The following TMCO5A variants were observed in gnomAD, a reference collection of about 807,000 sequenced individuals.
TMCO5A encodes transmembrane and coiled-coil domains 5A.
A neutral mutation model predicts 42.3 loss-of-function variants in TMCO5A; 34 were observed. That is an observed-to-expected ratio of 0.80 (90% CI 0.61 to 1.07). The LOEUF is 1.07. Ranked by LOEUF, TMCO5A falls within the 50% of genes least tolerant of loss-of-function variation. The probability of loss-of-function intolerance (pLI) is 0.00; values close to 1 mark genes in which losing one functional copy is unlikely to be tolerated. For synonymous variants in TMCO5A, 131 were observed against 115.6 expected (o/e 1.13, Z -0.86); for missense variants, 357 against 327.9 (o/e 1.09, Z -0.69).
chr15:37,951,507 A>G (rs1890158087), downstream of TMCO5A: 1 of 358,612 alleles, frequency 2.8e-6, no homozygotes, highest in Non-Finnish European at 5.0e-6. Flanking sequence ...TGCTAAGAAA[A>G]GTTAATTGAT....
At chr15:37,972,162 A>G (rs1406679203), downstream of TMCO5A, among the ~76,000 whole-genome samples, 2 of 152,212 alleles carry the variant, frequency 1.3e-5, no homozygotes, top group African/African-American at 4.8e-5. Context: ...AGGCCTCACA[A>G]TTACAGCAGA....
chr15:38,010,332 G>A, the TMCO5A span, among the ~76,000 whole-genome samples: 4 of 137,330 alleles, frequency 2.9e-5, no homozygotes, highest in Non-Finnish European at 6.0e-5. Flanking sequence ...CTGAGATCGC[G>A]CCACTGCACT....
chr15:37,994,377 C>T, the TMCO5A span, among the ~76,000 whole-genome samples: 1 of 152,320 alleles, frequency 6.6e-6, no homozygotes, highest in East Asian at 1.9e-4. Flanking sequence ...TAGTAGGAAA[C>T]AAGGCTCACA....
the TMCO5A span, among the ~76,000 whole-genome samples, chr15:37,999,056 G>A: frequency 0.015 from 2,275 of 152,114 alleles, 60 homozygotes; most frequent in African/African-American, 0.052. Flanking sequence ...ACAGGCATGC[G>A]CCACCATGCC....
the TMCO5A span, among the ~76,000 whole-genome samples, chr15:37,991,883 A>T: frequency 6.6e-6 from 1 of 152,134 alleles, no homozygotes; most frequent in Non-Finnish European, 1.5e-5. Context: ...CTTAAATGTA[A>T]AACCCAAATA....
chr15:37,955,252 G>T (rs1595603365), downstream of TMCO5A, among the ~76,000 whole-genome samples: 1 of 45,100 alleles, frequency 2.2e-5, no homozygotes, highest in Non-Finnish European at 4.5e-5. Context: ...TAGATTTAAA[G>T]AGTAAAAAAA....
the TMCO5A span, among the ~76,000 whole-genome samples, chr15:37,989,419 A>T: frequency 6.6e-6 from 1 of 152,066 alleles, no homozygotes; most frequent in East Asian, 1.9e-4. Flanking sequence ...GATTTTTCTC[A>T]AATATAAATA....
the TMCO5A span, among the ~76,000 whole-genome samples, chr15:38,010,662 T>G: frequency 6.6e-5 from 10 of 152,100 alleles, no homozygotes; most frequent in Non-Finnish European, 1.0e-4. Flanking sequence ...AAAATAAATT[T>G]CTGTGGTTTT....
intron 10 of TMCO5A, among the ~76,000 whole-genome samples, chr15:37,945,697 C>T (rs1457098554): frequency 6.6e-6 from 1 of 152,076 alleles, no homozygotes; most frequent in African/African-American, 2.4e-5. Flanking sequence ...TGTTCATCTT[C>T]TTTGCCCACT....
chr15:38,029,367 CCACACA>C, the TMCO5A span, among the ~76,000 whole-genome samples: 24,322 of 147,918 alleles, frequency 0.16, 2,156 homozygotes, highest in Middle Eastern at 0.22. Context: ...CATGAATACA[CCACACA>C]CACACACACA....
intron 11 of TMCO5A, among the ~76,000 whole-genome samples, chr15:37,964,199 A>G (rs1308795311): frequency 2.0e-5 from 3 of 152,102 alleles, no homozygotes; most frequent in African/African-American, 7.2e-5. Flanking sequence ...TGTTCCCTTG[A>G]TGTAATACTC....
rs1466864029 is a variant in TMCO5A, at chr15:37,951,121, G to A, written c.754G>A (p.Asp252Asn). The change falls in exon 12 of 12, where the codon GAT becomes AAT. Residue 252 changes from aspartate to asparagine, a missense_variant. Coordinates refer to ENST00000319669, the MANE Select transcript of TMCO5A (RefSeq NM_152453.4). ...MFFHVRFINPDLLVNVLPKVL... is the reference protein window; with the variant it reads ...MFFHVRFINPNLLVNVLPKVL... ...TTTTCATGTAAGATTCATAAATCCA[G>A]ATCTCCTCGTCAATGTACTGCCCAA... 6.2e-7 allele frequency: 1 copy of A among 1,613,690 alleles called. No homozygotes were observed. The highest frequency in any genetic ancestry group is 1.1e-5 in the South Asian group (1 of 91,058).
the TMCO5A span, among the ~76,000 whole-genome samples, chr15:38,039,086 A>C: frequency 6.6e-6 from 1 of 152,230 alleles, no homozygotes; most frequent in Admixed American, 6.5e-5. Flanking sequence ...AGCTGTTTCC[A>C]TCTGTCTAGA....
At chr15:38,033,367 C>A in the TMCO5A span, among the ~76,000 whole-genome samples, 6 of 152,120 alleles carry the variant, frequency 3.9e-5, no homozygotes, top group African/African-American at 4.8e-5. Flanking sequence ...TGTCTAAGTG[C>A]TATTCTGTTA....
the TMCO5A span, among the ~76,000 whole-genome samples, chr15:38,025,585 A>G: frequency 1.3e-5 from 2 of 152,200 alleles, no homozygotes; most frequent in Non-Finnish European, 2.9e-5. Flanking sequence ...ATTTTTTAAA[A>G]TCAGATAAAA....
At chr15:38,034,707 C>A in the TMCO5A span, among the ~76,000 whole-genome samples, 1 of 152,150 alleles carries the variant, frequency 6.6e-6, no homozygotes, top group Non-Finnish European at 1.5e-5. Flanking sequence ...GTTCCAACTT[C>A]TTTAAGCCAT....
At chr15:37,955,361 C>T (rs1338972816), downstream of TMCO5A, among the ~76,000 whole-genome samples, 1 of 151,506 alleles carries the variant, frequency 6.6e-6, no homozygotes, top group African/African-American at 2.4e-5. Flanking sequence ...AATAGTCTCC[C>T]AGTAACGAAA....
Position 37,943,363 on chromosome 15 carries a change from C to G in TMCO5A, c.592C>G (p.Pro198Ala). The G allele has an allele frequency of 6.2e-7, 1 of 1,612,240 alleles. No individual in the cohort carries two copies. The highest frequency in any genetic ancestry group is 1.3e-5 in the African/African-American group (1 of 74,904). ...REVSKLVSMN[P>A]VEKEHTSQNN... ...TAGATCAAAACTCGTGAGCATGAACCCTGTGGAAAAAGAGCATACCAGCCA... is the reference window on the plus strand; with the variant it reads ...TAGATCAAAACTCGTGAGCATGAACGCTGTGGAAAAAGAGCATACCAGCCA... The change falls in exon 10 of 12, where the codon CCT (proline) becomes GCT (alanine). Residue 198 changes from proline (P) to alanine (A), a missense_variant. Physicochemically the swap from Pro to Ala is conservative, Grantham distance 27. Transcript: ENST00000319669.
At chr15:37,953,062 A>G (rs115546929), downstream of TMCO5A, among the ~76,000 whole-genome samples, 2,444 of 152,270 alleles carry the variant, frequency 0.016, 74 homozygotes, top group African/African-American at 0.055. Context: ...ACAATATCAG[A>G]TGGACTTCTA....
Sources: allele counts gnomAD v4.1 joint callset (sites outside exome capture counted in the v4.1 genomes callset), GRCh38; gene constraint gnomAD v4.1.1; transcripts MANE v1.5; gene names NCBI Gene and HGNC (gene_info 2026-07-23, HGNC 2026-07-21).